FGD4: variants seen among roughly 807,000 people sequenced by gnomAD.
FGD4 encodes FYVE, RhoGEF and PH domain-containing protein 4.
Under a neutral mutation model 102.0 loss-of-function variants are expected in FGD4, and 42 were observed. That is an observed-to-expected ratio of 0.41 (90% CI 0.32 to 0.53). The LOEUF is 0.53. Ranked by LOEUF, FGD4 falls within the 20% of genes least tolerant of loss-of-function variation. FGD4 has a pLI of 0.21. For synonymous variants in FGD4, 380 were observed against 375.7 expected (o/e 1.01, Z -0.13); for missense variants, 902 against 1,078.2 (o/e 0.84, Z 2.29).
intron 1 of FGD4, among the ~76,000 whole-genome samples, chr12:32,470,820 C>G (rs1185631086): frequency 1.3e-5 from 2 of 152,090 alleles, no homozygotes; most frequent in African/African-American, 4.8e-5. Context: ...TGCTGACTTC[C>G]ACATTCTCTT....
Position 32,611,967 on chromosome 12 carries a change from T to C in FGD4, c.1749+684T>C, listed in dbSNP as rs541393500. Among the ~76,000 whole-genome samples the C allele has an allele frequency of 2.3e-3, 355 of 152,294 alleles. 5 individuals are homozygous for C. The highest frequency in any genetic ancestry group is 2.0e-3 in the Non-Finnish European group (133 of 68,008). ...CTCCCACTGCCTGGCCTCTCCCCGC[T>C]CCCAATGCCTGTTCCGATTTCGGAG... On this transcript the variant is annotated intron_variant, in intron 10 of 16. Transcript: ENST00000534526.
chr12:32,592,821 A>G (rs1194327972), intron 4 of FGD4, among the ~76,000 whole-genome samples: 2 of 152,206 alleles, frequency 1.3e-5, no homozygotes, highest in East Asian at 1.9e-4. Context: ...AATAATTACT[A>G]AAATGCTGAA....
At chr12:32,561,460 A>G (rs1451668219) in intron 1 of FGD4, among the ~76,000 whole-genome samples, 1 of 152,176 alleles carries the variant, frequency 6.6e-6, no homozygotes, top group Non-Finnish European at 1.5e-5. Flanking sequence ...TTTACTCAAT[A>G]GAAAGTTGAT....
intron 1 of FGD4, among the ~76,000 whole-genome samples, chr12:32,518,552 A>G (rs188019817): frequency 3.9e-5 from 6 of 152,176 alleles, no homozygotes; most frequent in East Asian, 3.9e-4. Context: ...TTTTCCATCT[A>G]TGTGTCAGAT....
At chr12:32,613,361 C>T (rs541874344) in intron 10 of FGD4, among the ~76,000 whole-genome samples, 7 of 152,236 alleles carry the variant, frequency 4.6e-5, no homozygotes, top group South Asian at 4.1e-4. Context: ...AAAAACTATG[C>T]GTAGATTTCA....
chr12:32,401,941 C>T (rs1471159906), intron 1 of FGD4, among the ~76,000 whole-genome samples: 19 of 139,606 alleles, frequency 1.4e-4, no homozygotes, highest in African/African-American at 4.8e-4. Flanking sequence ...CTGGCTCTGT[C>T]GCCCAGGCTG....
At chr12:32,627,997 C>T (rs980714648) in intron 14 of FGD4, among the ~76,000 whole-genome samples, 1 of 152,110 alleles carries the variant, frequency 6.6e-6, no homozygotes, top group African/African-American at 2.4e-5. Context: ...GATATGTGAA[C>T]CTGGCATGCC....
At chr12:32,628,019 A>AC (rs1291531705) in intron 14 of FGD4, among the ~76,000 whole-genome samples, 1 of 151,650 alleles carries the variant, frequency 6.6e-6, no homozygotes, top group Non-Finnish European at 1.5e-5. Context: ...GATATGGTTC[A>AC]CCCTCTGATG....
In FGD4 at chr12:32,506,757, T is replaced by C. The variant is rs1429131039; in HGVS notation, c.167-57380T>C. Among the ~76,000 whole-genome samples the C allele has an allele frequency of 6.6e-6, 1 of 152,148 alleles. No individual in the cohort carries two copies. Among genetic ancestry groups the C allele is most frequent in the Non-Finnish European group, 1.5e-5 (1 of 68,028 alleles). On this transcript the variant is annotated intron_variant, in intron 1 of 16. Transcript: ENST00000534526. This position sits in a 1 kb window ranked among gnomAD's most constrained non-coding sequence, Gnocchi z 4.5. ...CATTCCTATTGCGATGTGGAGGATA[T>C]GGCATTGAGCACAATGGGCAAGATG... is the stretch of plus-strand genomic sequence containing the variant.
chr12:32,525,345 CTA>C (rs759117181), intron 1 of FGD4, among the ~76,000 whole-genome samples: 13 of 152,202 alleles, frequency 8.5e-5, no homozygotes, highest in Admixed American at 3.9e-4. Context: ...CCACATATGG[CTA>C]TGTGTCCATA....
chr12:32,632,876 A>G (rs1950575754), intron 14 of FGD4, among the ~76,000 whole-genome samples: 1 of 151,652 alleles, frequency 6.6e-6, no homozygotes, highest in East Asian at 2.0e-4. Context: ...TCAGATTAGC[A>G]TTTTTAAGAG....
At chr12:32,446,806 T>C (rs1565745419) in intron 1 of FGD4, among the ~76,000 whole-genome samples, 1 of 152,184 alleles carries the variant, frequency 6.6e-6, no homozygotes, top group Admixed American at 6.5e-5. Flanking sequence ...CGCGTAGAGA[T>C]ACCAAAGACC....
chr12:32,619,183 C>T (rs1178355015), intron 10 of FGD4, among the ~76,000 whole-genome samples: 1 of 152,022 alleles, frequency 6.6e-6, no homozygotes, highest in African/African-American at 2.4e-5. Context: ...ATGTATAAGC[C>T]ATGAATGGGA....
chr12:32,585,222 T>TTATTTATATATATATATA (rs960851781), intron 4 of FGD4, among the ~76,000 whole-genome samples: 7 of 116,142 alleles, frequency 6.0e-5, no homozygotes, highest in African/African-American at 2.1e-4. Context: ...CTCAAAAATT[T>TTATTTATATATATATATA]TATATATATA....
chr12:32,427,710 G>A (rs1001026642), intron 1 of FGD4, among the ~76,000 whole-genome samples: 2 of 152,144 alleles, frequency 1.3e-5, no homozygotes, highest in Non-Finnish European at 2.9e-5. Flanking sequence ...TCTCTTTGTA[G>A]GTCGCTAAGA....
At position 32,452,407 on chromosome 12, in the gene FGD4, CATTT is replaced by C. The variant is rs1487614480; in HGVS notation, c.166+52449_166+52452del. Among the ~76,000 whole-genome samples, 5 of 152,212 alleles carry C rather than the reference CATTT, an allele frequency of 3.3e-5. No homozygotes were observed. The East Asian group carries it at 9.7e-4, about 29-fold the overall frequency. ...TCCTCCAAAAGCAAGTTAATGCATTCATTTGTCTATGAATGAATTTTTGATAGAC... is the reference window on the plus strand; with the variant it reads ...TCCTCCAAAAGCAAGTTAATGCATTCGTCTATGAATGAATTTTTGATAGAC... On this transcript the variant is annotated intron_variant, in intron 1 of 16. Coordinates refer to ENST00000534526, the MANE Select transcript of FGD4 (RefSeq NM_001370298.3).
In FGD4 at chr12:32,625,528, C is replaced by T. The variant is rs914439402; in HGVS notation, c.2047-126C>T. 5.5e-6 allele frequency: 7 copies of T among 1,262,610 alleles called. No individual in the cohort carries two copies. In the African/African-American group the frequency reaches 7.5e-5, roughly 14 times the overall value. The allele number at this position is 1,262,610 out of a possible 1,614,324, so 78.2% of individuals were successfully genotyped here. ...CAGGTGATCCGCCTGCCTCAGCTTCCGAAAGTGCTGGGATTATAGTTCAGA... is the reference window on the plus strand; with the variant it reads ...CAGGTGATCCGCCTGCCTCAGCTTCTGAAAGTGCTGGGATTATAGTTCAGA... On this transcript the variant is annotated intron_variant, in intron 13 of 16. Coordinates refer to ENST00000534526, the MANE Select transcript of FGD4 (RefSeq NM_001370298.3).
intron 1 of FGD4, among the ~76,000 whole-genome samples, chr12:32,454,851 T>A (rs549971942): frequency 6.6e-6 from 1 of 152,312 alleles, no homozygotes; most frequent in South Asian, 2.1e-4. Context: ...TGACAGTGTA[T>A]CCTGTGATTT....
intron 1 of FGD4, among the ~76,000 whole-genome samples, chr12:32,491,813 T>G (rs551001648): frequency 6.6e-6 from 1 of 152,310 alleles, no homozygotes; most frequent in Non-Finnish European, 1.5e-5. Flanking sequence ...GCAATGGCAA[T>G]TTGTTATTTT....
Sources: gnomAD v4.1 joint callset for allele counts (sites outside exome capture counted in the v4.1 genomes callset) on GRCh38, gnomAD v4.1.1 for gene constraint, Gnocchi (gnomAD v3.1) non-coding constraint, MANE v1.5 for transcripts, NCBI Gene and HGNC (gene_info 2026-07-23, HGNC 2026-07-21) for gene names.